Variants in COL27A1 observed in about 807,000 individuals in gnomAD.
COL27A1 encodes the protein collagen type XXVII alpha 1 chain.
Under a neutral mutation model 251.3 loss-of-function variants are expected in COL27A1, and 106 were observed. That is an observed-to-expected ratio of 0.42 (90% CI 0.36 to 0.50). The LOEUF is 0.50. Ranked by LOEUF, COL27A1 falls within the 20% of genes least tolerant of loss-of-function variation. COL27A1 has a pLI of 0.00. For synonymous variants in COL27A1, 1,000 were observed against 986.3 expected, an observed-to-expected ratio of 1.01 and a Z score of -0.26; for missense variants, 2,325 against 2,522.8, an observed-to-expected ratio of 0.92 and a Z score of 1.68.
intron 13 of COL27A1, among the ~76,000 whole-genome samples, chr9:114,221,578 T>C (rs564972305): frequency 6.6e-6 from 1 of 152,344 alleles, no homozygotes; most frequent in South Asian, 2.1e-4. Context: ...CACCTGTCAT[T>C]TCTCATGTGG....
chr9:114,172,345 C>T (rs1050435649), intron 3 of COL27A1, among the ~76,000 whole-genome samples: 5 of 152,110 alleles, frequency 3.3e-5, no homozygotes, highest in Admixed American at 6.5e-5. Flanking sequence ...CTTAATTGTC[C>T]CCCATCCAGG....
intron 59 of COL27A1, 57 bp from the exon 60 acceptor site, chr9:114,309,203 C>T (rs774688545): frequency 4.7e-4 from 672 of 1,431,406 alleles, no homozygotes; most frequent in Middle Eastern, 7.0e-4. Flanking sequence ...AGGGAACCCT[C>T]GGTGTGGGGG....
intron 48 of COL27A1, among the ~76,000 whole-genome samples, 159 bp downstream of exon 48, chr9:114,291,076 C>A (rs373233940): frequency 1.3e-5 from 2 of 152,190 alleles, no homozygotes; most frequent in East Asian, 1.9e-4. Context: ...GGGGGTCCTG[C>A]CCCAAGCTTG....
rs542544349 is a variant in COL27A1 at position 114,233,824 on chromosome 9, A to G, written c.2566-1775A>G. On this transcript the variant is annotated intron_variant, in intron 16 of 60. Coordinates refer to ENST00000356083, the MANE Select transcript of COL27A1 (RefSeq NM_032888.4). ...CATGCCCATAGTTTTTAGGAAAATC[A>G]AATGTCTTTAGGGGAAAAAAGAGAG... is the stretch of plus-strand genomic sequence containing the variant. Among the ~76,000 whole-genome samples, 193 of 152,298 alleles carry G rather than the reference A, an allele frequency of 1.3e-3. 2 individuals carry two copies. Among genetic ancestry groups the G allele is most frequent in the Admixed American group, 0.012 (179 of 15,298 alleles).
chr9:114,226,561 T>C (rs1431220511), intron 14 of COL27A1, among the ~76,000 whole-genome samples: 4 of 152,248 alleles, frequency 2.6e-5, no homozygotes, highest in Non-Finnish European at 5.9e-5. Context: ...AGCGTGTATG[T>C]GACAGCATGG....
rs143993841 is a variant in COL27A1 at position 114,169,122 on chromosome 9, G to C, written c.1567G>C (p.Val523Leu). Residue 523 changes from valine (V) to leucine (L), a missense_variant, in exon 3 of 61, where the codon GTC becomes CTC. Val to Leu is a conservative substitution (Grantham distance 32). Coordinates refer to ENST00000356083, the MANE Select transcript of COL27A1 (RefSeq NM_032888.4). ...GTSTPRTAPAVPTPGSAPTGS... is the reference protein window; with the variant it reads ...GTSTPRTAPALPTPGSAPTGS... ...CAGCACTCCCAGAACAGCACCTGCC[G>C]TCCCCACTCCTGGCTCAGCTCCCAC... 25 of 1,613,950 alleles carry C rather than the reference G, an allele frequency of 1.5e-5. No individual in the cohort carries two copies. The African/African-American group carries it at 3.1e-4, about 20-fold the overall frequency.
chr9:114,301,037 G>A, intron 51 of COL27A1, 35 bp from the exon 52 acceptor site: 1 of 1,571,870 alleles, frequency 6.4e-7, no homozygotes, highest in South Asian at 1.2e-5. Flanking sequence ...CCAGGCCCTG[G>A]AACAAGGACA....
At chr9:114,161,353 A>C (rs1564408353) in intron 1 of COL27A1, among the ~76,000 whole-genome samples, 2 of 152,156 alleles carry the variant, frequency 1.3e-5, no homozygotes, top group Non-Finnish European at 2.9e-5. Flanking sequence ...ATGGCAAATG[A>C]AATTCTCGGG....
intron 49 of COL27A1, 31 bp from the exon 50 acceptor site, chr9:114,300,039 C>T (rs772000468): frequency 6.2e-7 from 1 of 1,613,144 alleles, no homozygotes; most frequent in East Asian, 2.2e-5. Flanking sequence ...CATGAGCTCA[C>T]TCGCTCCATC....
intron 5 of COL27A1, among the ~76,000 whole-genome samples, chr9:114,187,950 T>C (rs1460112929): frequency 6.6e-6 from 1 of 152,238 alleles, no homozygotes; most frequent in Non-Finnish European, 1.5e-5. Flanking sequence ...CAGGAGTCAG[T>C]GTGCCCAAGT....
chr9:114,177,604 T>C (rs927982448), intron 3 of COL27A1, among the ~76,000 whole-genome samples: 1 of 152,180 alleles, frequency 6.6e-6, no homozygotes, highest in Non-Finnish European at 1.5e-5. Context: ...TCTCATGTCA[T>C]CCTTGGAATC....
At chr9:114,288,192 G>C (rs1025020480) in intron 41 of COL27A1, among the ~76,000 whole-genome samples, 8 of 152,180 alleles carry the variant, frequency 5.3e-5, no homozygotes, top group African/African-American at 1.9e-4. Context: ...GAATCCAGCT[G>C]TCTGAGCTCC....
intron 56 of COL27A1, among the ~76,000 whole-genome samples, chr9:114,304,265 C>T (rs1377268283): frequency 1.3e-5 from 2 of 152,172 alleles, no homozygotes; most frequent in East Asian, 3.8e-4. Flanking sequence ...TGGATCATGG[C>T]GTTTAGGAAC....
intron 13 of COL27A1, among the ~76,000 whole-genome samples, chr9:114,221,011 A>T (rs1353074119): frequency 4.0e-5 from 6 of 151,476 alleles, no homozygotes; most frequent in Non-Finnish European, 8.8e-5. Context: ...AAAAAAAAAA[A>T]AGAAGCCGTT....
chr9:114,300,749 A>G (rs1828560881), intron 51 of COL27A1, 62 bp downstream of exon 51: 3 of 1,350,242 alleles, frequency 2.2e-6, no homozygotes, highest in Non-Finnish European at 3.0e-6. Context: ...TTGGCCAGCC[A>G]TCAGCTGGCC....
At position 114,300,643 on chromosome 9, in the gene COL27A1, G is replaced by A; in HGVS notation, c.4657G>A (p.Gly1553Ser). ...CCCACAGGGCCCGCCTGGAGACATT[G>A]GCTTCAAAGGCATCCAGGGCCCTCG... ...FGPKGPPGDI[G>S]FKGIQGPRGP... is the part of the protein sequence containing the mutation. The change falls in exon 51 of 61, where the codon GGC becomes AGC. Residue 1553 changes from glycine (G) to serine (S), a missense_variant. Physicochemically the swap from Gly to Ser is moderately conservative, Grantham distance 56. Around this residue, in one of 4 missense-constraint regions of COL27A1, gnomAD observed 327 missense variants for 442.8 expected, o/e 0.74. Coordinates refer to ENST00000356083, the MANE Select transcript of COL27A1 (RefSeq NM_032888.4). 1 of 1,528,352 alleles carries A rather than the reference G, an allele frequency of 6.5e-7. No individual in the cohort carries two copies. The highest frequency in any genetic ancestry group is 8.8e-7 in the Non-Finnish European group (1 of 1,141,432). The allele number at this position is 1,528,352 out of a possible 1,614,324, so 94.7% of individuals were successfully genotyped here. A position where few individuals can be genotyped will look rare whatever the true frequency, so the allele number is the denominator to read the frequency against.
Position 114,284,689 on chromosome 9 carries a change from T to C in COL27A1, c.3934-35T>C. The C allele has an allele frequency of 1.9e-6, 3 of 1,611,584 alleles. No individual in the cohort carries two copies. In the African/African-American group the frequency reaches 4.0e-5, roughly 21 times the overall value. ...CATGTCCTTTGTCCTTCCTGAGTCC[T>C]CATTCTCACTTCCCTCCTTCTTGTT... On this transcript the variant is annotated intron_variant, in intron 40 of 60. Coordinates refer to ENST00000356083, the MANE Select transcript of COL27A1 (RefSeq NM_032888.4).
chr9:114,168,032 G>T lies in COL27A1; in HGVS notation c.477G>T (p.Leu159=). ...TGCACGACGGGCGCTGGCACCACCT[G>T]GCCCTCGAGCTCCGAGGCCGCACAG... ...LDMHDGRWHH[L]ALELRGRTVT... is the part of the protein sequence containing the mutation. The change falls in exon 3 of 61, where the codon CTG becomes CTT. Residue 159 remains leucine (L), a synonymous_variant. Transcript: ENST00000356083. 1 of 1,605,514 alleles carries T rather than the reference G, an allele frequency of 6.2e-7. No individual in the cohort carries two copies. Among genetic ancestry groups the T allele is most frequent in the South Asian group, 1.1e-5 (1 of 91,050 alleles).
intron 7 of COL27A1, among the ~76,000 whole-genome samples, chr9:114,201,487 C>T (rs1829572962): frequency 1.3e-5 from 2 of 152,216 alleles, no homozygotes; most frequent in Admixed American, 6.5e-5. Flanking sequence ...CTCTTCTGCT[C>T]CTGGCCATCC....
Sources: allele counts gnomAD v4.1 joint callset (sites outside exome capture counted in the v4.1 genomes callset), GRCh38; gene constraint gnomAD v4.1.1; regional missense constraint gnomAD v4.1.1; transcripts MANE v1.5; gene names NCBI Gene and HGNC (gene_info 2026-07-23, HGNC 2026-07-21).